The following RCC1 variants were observed in gnomAD, a reference collection of about 807,000 sequenced individuals.
RCC1 encodes regulator of chromosome condensation 1.
Under a neutral mutation model 44.4 loss-of-function variants are expected in RCC1, and 11 were observed. That is an observed-to-expected ratio of 0.25 (90% CI 0.16 to 0.41). The LOEUF is 0.41. Among genes scored for constraint, RCC1 ranks in the 10% least tolerant of loss-of-function variants. The pLI, the probability that RCC1 is intolerant of heterozygous loss-of-function variation, is 1.00. For missense variants in RCC1, 386 were observed against 547.1 expected, an observed-to-expected ratio of 0.71 and a Z score of 2.94; for synonymous variants, 213 against 216.5, an observed-to-expected ratio of 0.98 and a Z score of 0.14.
At position 28,530,504 on chromosome 1, in the gene RCC1, C is replaced by T. The variant is rs762184806; in HGVS notation, c.73+565C>T. On this transcript the variant is annotated intron_variant, in intron 5 of 12. Transcript: ENST00000683442. ...GGGGAAGTGTGGACCCACGCTCAGA[C>T]AGTGTCTGTCTTTTGCAGACACGAG... 8 of 1,594,362 alleles carry T rather than the reference C, an allele frequency of 5.0e-6. No individual in the cohort carries two copies. In the African/African-American group the frequency reaches 1.1e-4, roughly 21 times the overall value.
chr1:28,535,070 A>C lies in RCC1; in HGVS notation c.462A>C (p.Gly154=). 1 of 1,613,844 alleles carries C rather than the reference A, an allele frequency of 6.2e-7. No homozygotes were observed. The change falls in exon 8 of 13, where the codon GGA becomes GGC. Residue 154 remains glycine (G), a synonymous_variant. Transcript: ENST00000683442. ...TCTAGGACAATAACGGTGTGATTGG[A>C]CTGTTGGAGCCCATGAAGAAGAGCA... ...GSFRDNNGVI[G]LLEPMKKSMV...
intron 4 of RCC1, among the ~76,000 whole-genome samples, chr1:28,522,188 G>A (rs570075564): frequency 2.1e-4 from 32 of 152,316 alleles, no homozygotes; most frequent in Non-Finnish European, 3.1e-4. Context: ...GTTCAGGATG[G>A]AGGAGGGATC....
intron 1 of RCC1, chr1:28,507,487 C>T: frequency 1.9e-6 from 1 of 519,128 alleles, no homozygotes; most frequent in Non-Finnish European, 3.8e-6. Context: ...TAAAGCTGGG[C>T]CTCGTGTCTG....
rs1159732152 is a variant in RCC1, at chr1:28,536,217, C to T, written c.818-45C>T. 6.2e-7 allele frequency: 1 copy of T among 1,603,408 alleles called. No homozygotes were observed. The highest frequency in any genetic ancestry group is 8.5e-7 in the Non-Finnish European group (1 of 1,174,850). ...TGTGGGAGGAGATTGAGAAGGGCAG[C>T]TCTCAGAACACCTTCACCCCTGATG... On this transcript the variant is annotated intron_variant, in intron 10 of 12. Coordinates refer to ENST00000683442, the MANE Select transcript of RCC1 (RefSeq NM_001381865.2). This position sits in a 1 kb window ranked among gnomAD's most constrained non-coding sequence, Gnocchi z 4.9.
intron 12 of RCC1, among the ~76,000 whole-genome samples, chr1:28,537,406 G>A (rs1664621358): frequency 1.3e-5 from 2 of 152,190 alleles, no homozygotes; most frequent in African/African-American, 2.4e-5. Flanking sequence ...GTAGAAGCCT[G>A]GAGCTGGCAG....
chr1:28,512,765 T>C (rs56298007), intron 3 of RCC1, among the ~76,000 whole-genome samples: 113 of 152,242 alleles, frequency 7.4e-4, no homozygotes, highest in Non-Finnish European at 1.4e-3. Context: ...TGAAAGTGTA[T>C]TATTGTTGTT....
chr1:28,509,691 T>C (rs1662352501), intron 3 of RCC1: 1 of 152,204 alleles, frequency 6.6e-6, no homozygotes, highest in African/African-American at 2.4e-5. Flanking sequence ...AGAATCTGAA[T>C]GGTACTGTTG....
intron 4 of RCC1, among the ~76,000 whole-genome samples, chr1:28,520,412 C>T (rs140892597): frequency 1.1e-4 from 16 of 152,320 alleles, no homozygotes; most frequent in Non-Finnish European, 2.2e-4. Flanking sequence ...CGTGCCTACC[C>T]ACTTTCTTCA....
intron 4 of RCC1, among the ~76,000 whole-genome samples, chr1:28,520,039 G>A (rs1663172744): frequency 6.6e-6 from 1 of 152,062 alleles, no homozygotes; most frequent in South Asian, 2.1e-4. Context: ...GTGAAGTTGT[G>A]TGTCCCTTCC....
intron 1 of RCC1, 79 bp downstream of exon 1, chr1:28,506,163 G>C (rs1661901795): frequency 4.5e-6 from 2 of 449,044 alleles, no homozygotes; most frequent in Non-Finnish European, 8.9e-6. Context: ...CAGTAGCCGA[G>C]CTTCCCTAGG....
chr1:28,521,329 G>A (rs1043981191), intron 4 of RCC1, among the ~76,000 whole-genome samples: 14 of 151,540 alleles, frequency 9.2e-5, no homozygotes, highest in Admixed American at 2.6e-4. Context: ...GTGAAACCCC[G>A]TCTCTACTAA....
chr1:28,523,821 T>C (rs1314675921), intron 4 of RCC1, among the ~76,000 whole-genome samples: 2 of 152,208 alleles, frequency 1.3e-5, no homozygotes, highest in East Asian at 3.9e-4. Flanking sequence ...AGGGTGCCTC[T>C]TTTTTTGGTG....
intron 4 of RCC1, among the ~76,000 whole-genome samples, chr1:28,523,205 G>T (rs899426097): frequency 6.6e-6 from 1 of 151,736 alleles, no homozygotes; most frequent in Non-Finnish European, 1.5e-5. Flanking sequence ...CTAATTTTTT[G>T]TATTTTTAGT....
In RCC1 at chr1:28,530,157, C is replaced by CAA. The variant is rs71805038; in HGVS notation, c.73+236_73+237dup. 1.7e-3 allele frequency among the ~76,000 whole-genome samples: 200 copies of CAA among 119,012 alleles called. 3 individuals are homozygous for CAA. Among genetic ancestry groups the CAA allele is most frequent in the Admixed American group, 0.01 (118 of 11,732 alleles). 78.1% of individuals were successfully genotyped at this position (119,012 alleles called of 152,430 possible). ...TCAAAGCACTCAGGCAGCACTGGCA[C>CAA]AAAAAAAAAAAAAAAAAAACTAGAC... is the stretch of plus-strand genomic sequence containing the variant. On this transcript the variant is annotated intron_variant, in intron 5 of 12. Coordinates refer to ENST00000683442, the MANE Select transcript of RCC1 (RefSeq NM_001381865.2).
In RCC1 at chr1:28,524,928, G is replaced by C. The variant is rs1224635541; in HGVS notation, c.-9-4930G>C. 2.6e-5 allele frequency among the ~76,000 whole-genome samples: 4 copies of C among 152,144 alleles called. No homozygotes were observed. The East Asian group carries it at 7.7e-4, about 29-fold the overall frequency. The stretch of plus-strand genomic sequence containing the variant: ...CCTCCTCACCCAAAGCCAAGCAGTA[G>C]TGTAGCAGGATAAGCCGCAGACAAA... On this transcript the variant is annotated intron_variant, in intron 4 of 12. Coordinates refer to ENST00000683442, the MANE Select transcript of RCC1 (RefSeq NM_001381865.2).
At chr1:28,519,831 C>T (rs975983245) in intron 4 of RCC1, among the ~76,000 whole-genome samples, 1 of 151,802 alleles carries the variant, frequency 6.6e-6, no homozygotes, top group Non-Finnish European at 1.5e-5. Flanking sequence ...CCTCAGCCTC[C>T]CAAAGTGCTG....
At chr1:28,530,556 G>C (rs1557877218) in intron 5 of RCC1, 1 of 1,606,206 alleles carries the variant, frequency 6.2e-7, no homozygotes, top group Non-Finnish European at 8.5e-7. Flanking sequence ...CGCGTTCCTG[G>C]CGCCCGCTCC....
At chr1:28,525,274 G>A (rs996734880) in intron 4 of RCC1, among the ~76,000 whole-genome samples, 12 of 152,090 alleles carry the variant, frequency 7.9e-5, no homozygotes, top group Non-Finnish European at 1.5e-4. Context: ...GACACAGGTC[G>A]CGGCGCCAGG....
Position 28,535,260 on chromosome 1 carries a change from A to G in RCC1, c.541A>G (p.Asn181Asp). The stretch of plus-strand genomic sequence containing the variant: ...ATCCCTTACCTTTTCATCCTTAGGA[A>G]ACGACCACTTGGTGATGCTGACAGC... ...DVPVVKVASG[N>D]DHLVMLTADG... Residue 181 changes from asparagine to aspartate, a missense_variant and splice_region_variant, in exon 9 of 13, where the codon AAC (asparagine) becomes GAC (aspartate). Transcript: ENST00000683442. 6.2e-7 allele frequency: 1 copy of G among 1,614,210 alleles called. No individual in the cohort carries two copies. Among genetic ancestry groups the G allele is most frequent in the Non-Finnish European group, 8.5e-7 (1 of 1,180,032 alleles).
Sources: gnomAD v4.1 joint callset for allele counts (sites outside exome capture counted in the v4.1 genomes callset) on GRCh38, gnomAD v4.1.1 for gene constraint, Gnocchi (gnomAD v3.1) non-coding constraint, MANE v1.5 for transcripts, NCBI Gene and HGNC (gene_info 2026-07-23, HGNC 2026-07-21) for gene names.